STXBP6: variants seen among roughly 807,000 people sequenced by gnomAD.
The protein encoded by STXBP6 is syntaxin-binding protein 6.
A neutral mutation model predicts 26.9 loss-of-function variants in STXBP6; 21 were observed. The observed-to-expected ratio is 0.78, with a 90% CI of 0.55 to 1.12. STXBP6 has a LOEUF of 1.12. Among genes scored for constraint, STXBP6 ranks in the 50% most tolerant of loss-of-function variants. STXBP6 has a pLI of 0.00. For synonymous variants in STXBP6, 97 were observed against 92.6 expected (o/e 1.05, Z -0.27); for missense variants, 232 against 257.9 (o/e 0.90, Z 0.69).
chr14:24,956,882 G>T (rs1346395736), intron 2 of STXBP6, among the ~76,000 whole-genome samples: 1 of 152,154 alleles, frequency 6.6e-6, no homozygotes, highest in Non-Finnish European at 1.5e-5. Context: ...GTCAGGTTGT[G>T]CATCCCTCTG....
intron 4 of STXBP6, among the ~76,000 whole-genome samples, chr14:24,829,700 G>A (rs200631724): frequency 7.3e-6 from 1 of 136,592 alleles, no homozygotes; most frequent in Non-Finnish European, 1.6e-5. Flanking sequence ...TTTTTTTTTG[G>A]TTACCTATTA....
At chr14:24,880,972 A>G (rs2070335412) in intron 2 of STXBP6, among the ~76,000 whole-genome samples, 1 of 152,208 alleles carries the variant, frequency 6.6e-6, no homozygotes, top group African/African-American at 2.4e-5. Flanking sequence ...CCAAAAACCA[A>G]GGATACTTTT....
At chr14:24,923,969 G>T (rs1448411953) in intron 2 of STXBP6, among the ~76,000 whole-genome samples, 1 of 151,964 alleles carries the variant, frequency 6.6e-6, no homozygotes, top group Non-Finnish European at 1.5e-5. Flanking sequence ...AGTTGTTCAA[G>T]AAATCCTTCT....
chr14:24,821,109 G>A (rs185040551), intron 4 of STXBP6, among the ~76,000 whole-genome samples: 4 of 152,322 alleles, frequency 2.6e-5, no homozygotes, highest in African/African-American at 4.8e-5. Flanking sequence ...GGGGAAGGGC[G>A]CAGAGGAGTT....
At chr14:24,999,741 T>G (rs1206494784) in intron 1 of STXBP6, among the ~76,000 whole-genome samples, 1 of 151,980 alleles carries the variant, frequency 6.6e-6, no homozygotes, top group Admixed American at 6.5e-5. Flanking sequence ...AGAGTTGCAA[T>G]ATATAGACAG....
chr14:24,990,124 A>G (rs1387318908), intron 1 of STXBP6, among the ~76,000 whole-genome samples: 1 of 152,192 alleles, frequency 6.6e-6, no homozygotes, highest in Non-Finnish European at 1.5e-5. Flanking sequence ...ATTGGCTTAC[A>G]TTGGAAGAGG....
rs560246174 is a variant in STXBP6 at position 24,962,570 on chromosome 14, C to T, written c.154+12095G>A. Among the ~76,000 whole-genome samples the T allele has an allele frequency of 8.6e-5, 13 of 152,032 alleles. No homozygotes were observed. In the South Asian group the frequency reaches 1.2e-3, roughly 15 times the overall value. ...CTCGGACTCCTGACCTCAAGTGATCCGCCCGCCTCAGCCTCCCAAAGTGCT... is the reference window on the plus strand; with the variant it reads ...CTCGGACTCCTGACCTCAAGTGATCTGCCCGCCTCAGCCTCCCAAAGTGCT... On this transcript the variant is annotated intron_variant, in intron 2 of 5. Transcript: ENST00000323944.
Position 24,889,983 on chromosome 14 carries a change from T to C in STXBP6, c.155-32826A>G, listed in dbSNP as rs1009276174. 7.2e-5 allele frequency among the ~76,000 whole-genome samples: 11 copies of C among 152,340 alleles called. 1 individual carries two copies. The highest frequency in any genetic ancestry group is 3.9e-4 in the East Asian group (2 of 5,186). ...CTTCTAACATCCAGAGACTGCCTCC[T>C]GAAGTGGCAAACTGCCACTAGAGCC... On this transcript the variant is annotated intron_variant, in intron 2 of 5. Transcript: ENST00000323944.
chr14:24,959,319 G>T (rs543043419), intron 2 of STXBP6, among the ~76,000 whole-genome samples: 21 of 152,262 alleles, frequency 1.4e-4, no homozygotes, highest in Admixed American at 1.3e-3. Flanking sequence ...AAGCATGGTG[G>T]TTTGCAAAGA....
intron 1 of STXBP6, among the ~76,000 whole-genome samples, chr14:25,032,536 C>T (rs1375874967): frequency 6.6e-6 from 1 of 152,194 alleles, no homozygotes; most frequent in East Asian, 1.9e-4. Context: ...GAAACACAGG[C>T]ATTTACCTAA....
At chr14:24,965,475 T>A (rs1048790485) in intron 2 of STXBP6, among the ~76,000 whole-genome samples, 6 of 151,930 alleles carry the variant, frequency 3.9e-5, no homozygotes, top group Non-Finnish European at 8.8e-5. Flanking sequence ...AAGCTACAGA[T>A]GAACAATCTT....
intron 4 of STXBP6, among the ~76,000 whole-genome samples, chr14:24,833,397 T>C (rs1566391745): frequency 6.6e-6 from 1 of 152,248 alleles, no homozygotes; most frequent in Non-Finnish European, 1.5e-5. Flanking sequence ...AAATTGTTGG[T>C]TGACTTATTT....
At chr14:25,015,106 A>T (rs967995813) in intron 1 of STXBP6, among the ~76,000 whole-genome samples, 1 of 152,240 alleles carries the variant, frequency 6.6e-6, no homozygotes, top group Non-Finnish European at 1.5e-5. Flanking sequence ...GAAAACTATC[A>T]TTGAGGGATT....
chr14:24,836,776 T>C (rs1413101808), intron 4 of STXBP6, among the ~76,000 whole-genome samples: 1 of 152,142 alleles, frequency 6.6e-6, no homozygotes, highest in Non-Finnish European at 1.5e-5. Context: ...AAAAGAGATT[T>C]TTCTTAATTC....
intron 1 of STXBP6, among the ~76,000 whole-genome samples, chr14:25,032,502 T>C (rs967185480): frequency 1.3e-5 from 2 of 152,206 alleles, no homozygotes; most frequent in African/African-American, 2.4e-5. Flanking sequence ...TCAATCACTT[T>C]ATGGAAGGAT....
Position 25,049,501 on chromosome 14 carries a change from G to A in STXBP6, c.-33+377C>T. 1.0e-6 allele frequency: 1 copy of A among 985,418 alleles called. No homozygotes were observed. Among genetic ancestry groups the A allele is most frequent in the Non-Finnish European group, 1.2e-6 (1 of 829,968 alleles). 61.0% of individuals were successfully genotyped at this position (985,418 alleles called of 1,614,324 possible). ...GAGCTCCCCCACACTGGGAGCCTCG[G>A]GGCAGCATTCTCGGGGCCCATGCCA... is the stretch of plus-strand genomic sequence containing the variant. On this transcript the variant is annotated intron_variant, in intron 1 of 5. Coordinates refer to ENST00000323944, the MANE Select transcript of STXBP6 (RefSeq NM_001394410.1). The surrounding 1 kb of genome is among the most constrained non-coding windows in gnomAD (Gnocchi z 5.6).
chr14:24,872,931 T>A (rs1461132623), intron 2 of STXBP6, among the ~76,000 whole-genome samples: 1 of 152,360 alleles, frequency 6.6e-6, no homozygotes, highest in African/African-American at 2.4e-5. Flanking sequence ...TGGGACTTTG[T>A]TGTGCCGAAT....
At chr14:24,883,179 T>G (rs2139448464) in intron 2 of STXBP6, among the ~76,000 whole-genome samples, 1 of 152,328 alleles carries the variant, frequency 6.6e-6, no homozygotes, top group East Asian at 1.9e-4. Context: ...CACACATAGA[T>G]ATGGTGTTCC....
At chr14:24,937,011 C>G (rs2139954378) in intron 2 of STXBP6, among the ~76,000 whole-genome samples, 1 of 152,276 alleles carries the variant, frequency 6.6e-6, no homozygotes, top group South Asian at 2.1e-4. Flanking sequence ...AAGCTGGAAA[C>G]CTTCATTCTC....
Sources: gnomAD v4.1 joint callset for allele counts (sites outside exome capture counted in the v4.1 genomes callset) on GRCh38, gnomAD v4.1.1 for gene constraint, Gnocchi (gnomAD v3.1) non-coding constraint, MANE v1.5 for transcripts, NCBI Gene and HGNC (gene_info 2026-07-23, HGNC 2026-07-21) for gene names.